The following VWCE variants were observed in gnomAD, a reference collection of about 807,000 sequenced individuals.
VWCE encodes von Willebrand factor C and EGF domains.
VWCE carries 68 observed loss-of-function variants against 102.9 expected under a neutral mutation model. The ratio of observed to expected loss-of-function variants is 0.66; its 90% confidence interval spans 0.54 to 0.81. The LOEUF (loss-of-function observed/expected upper bound fraction) is 0.81. Among genes scored for constraint, VWCE ranks in the 30% least tolerant of loss-of-function variants. The probability of loss-of-function intolerance (pLI) is 0.00; values close to 1 mark genes in which losing one functional copy is unlikely to be tolerated. For synonymous variants in VWCE, 497 were observed against 515.4 expected, an observed-to-expected ratio of 0.96 and a Z score of 0.48; for missense variants, 1,137 against 1,263.6, an observed-to-expected ratio of 0.90 and a Z score of 1.52.
At chr11:61,271,910 A>C (rs1590626782) in intron 13 of VWCE, 150 bp from the exon 14 acceptor site, 1 of 683,848 alleles carries the variant, frequency 1.5e-6, no homozygotes, top group East Asian at 2.8e-5. Flanking sequence ...ACAAATGCAC[A>C]CTTACACAGA....
In VWCE at chr11:61,291,586, AAGAG is replaced by A; in HGVS notation, c.111-14_111-11del. ...GGGGCCCAGTCGGCGTCTGCAAGAG[AAGAG>A]AGAGCACTTTCCTCATTCTATACTG... On this transcript the variant is annotated splice_polypyrimidine_tract_variant and intron_variant, in intron 1 of 19. Transcript: ENST00000335613. 1 of 1,431,514 alleles carries A rather than the reference AAGAG, an allele frequency of 7.0e-7. No homozygotes were observed. Among genetic ancestry groups the A allele is most frequent in the Non-Finnish European group, 9.2e-7 (1 of 1,086,982 alleles). The allele number at this position is 1,431,514 out of a possible 1,614,324, so 88.7% of individuals were successfully genotyped here.
chr11:61,264,538 C>A lies in VWCE; in HGVS notation c.2179G>T (p.Ala727Ser), dbSNP rs189439231. Residue 727 changes from alanine (A) to serine (S), a missense_variant, in exon 19 of 20, where the codon GCC (alanine) becomes TCC (serine). Physicochemically the swap from Ala to Ser is moderately conservative, Grantham distance 99 (BLOSUM62 1). Transcript: ENST00000335613. ...VSCEKVPCQR[A>S]CADPALLPGD... ...GGAAGCAGGGCAGGGTCGGCACAGG[C>A]CCGCTGGCAGGGAACCTTCTCACAG... 6 of 1,613,010 alleles carry A rather than the reference C, an allele frequency of 3.7e-6. No homozygotes were observed. In the African/African-American group the frequency reaches 8.0e-5, roughly 21 times the overall value.
chr11:61,289,449 C>T (rs969412378), intron 4 of VWCE, among the ~76,000 whole-genome samples: 4 of 151,714 alleles, frequency 2.6e-5, no homozygotes, highest in Non-Finnish European at 5.9e-5. Flanking sequence ...AGGGTTTCAC[C>T]ATGTTGGCCA....
chr11:61,276,616 G>A lies in VWCE; in HGVS notation c.1472C>T (p.Thr491Met), dbSNP rs766755310. ...PSGPCQTPPQ[T>M]DCCTCVPVRC... ...ACCTGGAACACAAGTACAGCAATCCGTCTGTGGGGGGGTCTGACAGGGGCC... is the reference window on the plus strand; with the variant it reads ...ACCTGGAACACAAGTACAGCAATCCATCTGTGGGGGGGTCTGACAGGGGCC... The change falls in exon 11 of 20, where the codon ACG (threonine) becomes ATG (methionine). Residue 491 changes from threonine to methionine, a missense_variant. Thr to Met is a moderately conservative substitution (Grantham distance 81). This residue lies in a region of VWCE where 212 missense variants were observed against 235.1 expected (regional missense o/e 0.90). Transcript: ENST00000335613. 34 of 1,602,072 alleles carry A rather than the reference G, an allele frequency of 2.1e-5. No individual in the cohort carries two copies. The highest frequency in any genetic ancestry group is 3.4e-5 in the South Asian group (3 of 89,224).
Position 61,281,108 on chromosome 11 carries a change from C to T in VWCE, c.915G>A (p.Gly305=), listed in dbSNP as rs761140003. 6.2e-7 allele frequency: 1 copy of T among 1,611,606 alleles called. No homozygotes were observed. Among genetic ancestry groups the T allele is most frequent in the Non-Finnish European group, 8.5e-7 (1 of 1,178,872 alleles). ...TGACTCCGGCTGGGGGCCCTGGAGCCCCAGAAGGAGGGCTATGTCCTGGGG... is the reference window on the plus strand; with the variant it reads ...TGACTCCGGCTGGGGGCCCTGGAGCTCCAGAAGGAGGGCTATGTCCTGGGG... ...ALSPGHSPPS[G]APGPPAGVRT... Residue 305 remains glycine, a synonymous_variant, in exon 8 of 20, where the codon GGG becomes GGA. Coordinates refer to ENST00000335613, the MANE Select transcript of VWCE (RefSeq NM_152718.2).
Position 61,273,326 on chromosome 11 carries a change from A to C in VWCE, c.1582-10T>G. On this transcript the variant is annotated splice_polypyrimidine_tract_variant and intron_variant, in intron 12 of 19. Coordinates refer to ENST00000335613, the MANE Select transcript of VWCE (RefSeq NM_152718.2). ...ACTCCACCTCCCCATTCTGGAAGAG[A>C]GCCCAGGCACAGAATGATGAGGGCG... 1 of 1,605,150 alleles carries C rather than the reference A, an allele frequency of 6.2e-7. No homozygotes were observed. Among genetic ancestry groups the C allele is most frequent in the Non-Finnish European group, 8.5e-7 (1 of 1,175,328 alleles).
chr11:61,265,833 G>A (rs1245976219), intron 16 of VWCE, among the ~76,000 whole-genome samples: 1 of 152,136 alleles, frequency 6.6e-6, no homozygotes, highest in African/African-American at 2.4e-5. Flanking sequence ...ATCATTTGAG[G>A]TCAGGAGTTC....
At chr11:61,267,645 G>A in intron 15 of VWCE, 101 bp from the exon 16 acceptor site, 2 of 1,095,812 alleles carry the variant, frequency 1.8e-6, no homozygotes, top group Non-Finnish European at 2.8e-6. Flanking sequence ...GCAAAGGGGA[G>A]GCCATGTGCC....
intron 9 of VWCE, 91 bp downstream of exon 9, chr11:61,280,533 A>G: frequency 7.7e-7 from 1 of 1,296,010 alleles, no homozygotes; most frequent in Non-Finnish European, 1.1e-6. Context: ...ATTCTAATGT[A>G]TGCTAATGTT....
Position 61,265,188 on chromosome 11 carries a change from CG to C in VWCE, c.1989del (p.Val664TrpfsTer54). The C allele has an allele frequency of 2.0e-6, 3 of 1,505,618 alleles. No individual in the cohort carries two copies. The highest frequency in any genetic ancestry group is 2.7e-6 in the Non-Finnish European group (3 of 1,125,018). 93.3% of individuals were successfully genotyped at this position (1,505,618 alleles called of 1,614,324 possible). ...ICLLGSVACS[P>X]VDCPITCTYP... is the part of the protein sequence containing the mutation. Reference sequence around the variant, plus strand: ...TAGGTACAGGTGATGGGGCAGTCCACGGGGGAACAGGCCACTGAGCCCAGCT... The same window carrying C: ...TAGGTACAGGTGATGGGGCAGTCCACGGGGAACAGGCCACTGAGCCCAGCT... On this transcript the variant is annotated frameshift_variant, in exon 17 of 20. Coordinates refer to ENST00000335613, the MANE Select transcript of VWCE (RefSeq NM_152718.2). LOFTEE classifies it high-confidence loss of function.
In VWCE at chr11:61,274,484, G is replaced by A. The variant is rs375533435; in HGVS notation, c.1581+15C>T. 4.1e-5 allele frequency: 66 copies of A among 1,610,532 alleles called. No homozygotes were observed. The highest frequency in any genetic ancestry group is 3.8e-4 in the East Asian group (17 of 44,752). On this transcript the variant is annotated intron_variant, in intron 12 of 19. Transcript: ENST00000335613. The stretch of plus-strand genomic sequence containing the variant: ...CCATCAATTCCACAGGCTTTGGGAC[G>A]CTCAGCCACCATACCTGGCAAACAC...
At chr11:61,260,061 C>T (rs571103655) in intron 19 of VWCE, among the ~76,000 whole-genome samples, 5 of 152,316 alleles carry the variant, frequency 3.3e-5, no homozygotes, top group South Asian at 2.1e-4. Flanking sequence ...TCAAAACCAG[C>T]CTGGTCAACA....
chr11:61,269,646 A>G (rs1854616820), intron 14 of VWCE, among the ~76,000 whole-genome samples: 1 of 151,906 alleles, frequency 6.6e-6, no homozygotes. Flanking sequence ...GGGTTTCACC[A>G]TGTTGGTCAG....
chr11:61,293,483 G>C (rs1170121078), intron 1 of VWCE, among the ~76,000 whole-genome samples: 6 of 151,918 alleles, frequency 3.9e-5, no homozygotes, highest in Non-Finnish European at 4.4e-5. Context: ...GTTCTAGCAG[G>C]GGAAACAGCA....
At chr11:61,290,964 T>C (rs774525230) in intron 3 of VWCE, 37 bp from the exon 4 acceptor site, 7 of 1,594,718 alleles carry the variant, frequency 4.4e-6, no homozygotes, top group African/African-American at 1.3e-5. Context: ...ATGCACCCCG[T>C]GGCAGTCCCA....
intron 12 of VWCE, among the ~76,000 whole-genome samples, chr11:61,274,092 C>T (rs772528900): frequency 2.0e-4 from 30 of 152,148 alleles, no homozygotes; most frequent in Non-Finnish European, 4.1e-4. Flanking sequence ...TCCAATCCTC[C>T]ACCCTCTGCT....
intron 4 of VWCE, among the ~76,000 whole-genome samples, chr11:61,289,886 C>T (rs1356760085): frequency 2.6e-5 from 4 of 152,118 alleles, no homozygotes; most frequent in East Asian, 1.9e-4. Context: ...ATTACTTTTA[C>T]GAAGTTAAAA....
At chr11:61,269,583 T>A (rs1292442859) in intron 14 of VWCE, among the ~76,000 whole-genome samples, 1 of 151,752 alleles carries the variant, frequency 6.6e-6, no homozygotes, top group Non-Finnish European at 1.5e-5. Context: ...GTAGCTGGGA[T>A]TACAAGCATG....
In VWCE at chr11:61,259,232, G is replaced by A. The variant is rs1854283460; in HGVS notation, c.2311C>T (p.His771Tyr). The change falls in exon 20 of 20, where the codon CAT becomes TAT. Residue 771 changes from histidine to tyrosine, a missense_variant. Physicochemically the swap from His to Tyr is moderately conservative, Grantham distance 83. This residue lies in a region of VWCE where 316 missense variants were observed against 319.3 expected (regional missense o/e 0.99). Coordinates refer to ENST00000335613, the MANE Select transcript of VWCE (RefSeq NM_152718.2). ...VAFSKAGRSL[H>Y]GDTEAPVNCS... The stretch of plus-strand genomic sequence containing the variant: ...TTGACAGGGGCCTCAGTGTCTCCAT[G>A]CAGGCTCCGACCAGCTTTGCTGAAT... 1.9e-6 allele frequency: 3 copies of A among 1,613,718 alleles called. No individual in the cohort carries two copies.
Sources: gnomAD v4.1 joint callset for allele counts (sites outside exome capture counted in the v4.1 genomes callset) on GRCh38, gnomAD v4.1.1 for gene constraint, gnomAD v4.1.1 regional missense constraint, MANE v1.5 for transcripts, NCBI Gene and HGNC (gene_info 2026-07-23, HGNC 2026-07-21) for gene names.